Variants in SULF1 observed in about 807,000 individuals in gnomAD.
SULF1 encodes the protein sulfatase 1.
Under a neutral mutation model 110.5 loss-of-function variants are expected in SULF1, and 46 were observed. The ratio of observed to expected loss-of-function variants is 0.42; its 90% CI spans 0.33 to 0.53. The LOEUF is 0.53. Ranked by LOEUF, SULF1 falls within the 20% of genes least tolerant of loss-of-function variation. The pLI, the probability that SULF1 is intolerant of heterozygous loss-of-function variation, is 0.12. For synonymous variants in SULF1, 371 were observed against 387.1 expected (o/e 0.96, Z 0.49); for missense variants, 941 against 1,094.2 (o/e 0.86, Z 1.98).
upstream of SULF1, among the ~76,000 whole-genome samples, chr8:69,488,441 A>C (rs1809788001): frequency 6.6e-6 from 1 of 152,246 alleles, no homozygotes; most frequent in Non-Finnish European, 1.5e-5. Context: ...GAATGATAAA[A>C]ATTAAAAACA....
intron 14 of SULF1, among the ~76,000 whole-genome samples, chr8:69,621,862 C>CG (rs1287788900): frequency 6.6e-6 from 1 of 152,156 alleles, no homozygotes; most frequent in Non-Finnish European, 1.5e-5. Flanking sequence ...TGAAAATCCA[C>CG]GGGCTGACAC....
chr8:69,625,462 C>G (rs969663748), intron 15 of SULF1, among the ~76,000 whole-genome samples: 1 of 152,228 alleles, frequency 6.6e-6, no homozygotes, highest in Non-Finnish European at 1.5e-5. Flanking sequence ...GTGAGTGTTA[C>G]AGCTCTTAAG....
chr8:69,521,722 T>A (rs568297285), intron 3 of SULF1, among the ~76,000 whole-genome samples: 1 of 151,656 alleles, frequency 6.6e-6, no homozygotes, highest in Admixed American at 6.6e-5. Context: ...TTTCTCCAGA[T>A]GAAAAGGAAG....
intron 3 of SULF1, among the ~76,000 whole-genome samples, chr8:69,512,104 A>G (rs1178404302): frequency 6.6e-6 from 1 of 152,178 alleles, no homozygotes; most frequent in Admixed American, 6.5e-5. Context: ...ATTTTTGAAA[A>G]CAACACTTTA....
intron 3 of SULF1, among the ~76,000 whole-genome samples, chr8:69,542,140 T>A (rs906689255): frequency 1.3e-5 from 2 of 152,212 alleles, no homozygotes; most frequent in Non-Finnish European, 2.9e-5. Context: ...TACAGTTATA[T>A]TCCATTCTTC....
At position 69,548,924 on chromosome 8, in the gene SULF1, A is replaced by C. The variant is rs181880860; in HGVS notation, c.-133-14615A>C. 4.3e-4 allele frequency among the ~76,000 whole-genome samples: 66 copies of C among 152,288 alleles called. 2 individuals carry two copies. Among genetic ancestry groups the C allele is most frequent in the Admixed American group, 3.9e-3 (59 of 15,298 alleles). The stretch of plus-strand genomic sequence containing the variant: ...CCCCAATGATTGTCACCACCTCCCC[A>C]CACACATACACACACACAAACCAGA... On this transcript the variant is annotated intron_variant, in intron 3 of 22. Coordinates refer to ENST00000402687, the MANE Select transcript of SULF1 (RefSeq NM_001128205.2).
intron 12 of SULF1, 103 bp downstream of exon 12, chr8:69,603,759 A>G: frequency 2.5e-6 from 2 of 812,392 alleles, no homozygotes; most frequent in Non-Finnish European, 2.1e-6. Flanking sequence ...AAGCATGCAG[A>G]TTTCGTAAAC....
intron 3 of SULF1, among the ~76,000 whole-genome samples, chr8:69,518,220 T>C (rs1387962500): frequency 3.9e-5 from 6 of 152,236 alleles, no homozygotes; most frequent in Non-Finnish European, 7.3e-5. Context: ...ATTTCCAATA[T>C]TGTACTTTTC....
At position 69,582,749 on chromosome 8, in the gene SULF1, A is replaced by G. The variant is rs376891259; in HGVS notation, c.413-3608A>G. ...AACCCGTAGGGATGAGGAGGAGGCC[A>G]AGGAAAGCACGGGGCTTGAGGCTGT... is the stretch of plus-strand genomic sequence containing the variant. On this transcript the variant is annotated intron_variant, in intron 6 of 22. Coordinates refer to ENST00000402687, the MANE Select transcript of SULF1 (RefSeq NM_001128205.2). 7.9e-5 allele frequency among the ~76,000 whole-genome samples: 12 copies of G among 151,848 alleles called. No individual in the cohort carries two copies. The East Asian group carries it at 1.7e-3, about 22-fold the overall frequency.
chr8:69,586,244 CT>C (rs1806452237), intron 6 of SULF1, 112 bp from the exon 7 acceptor site: 1 of 1,130,126 alleles, frequency 8.8e-7, no homozygotes, highest in Non-Finnish European at 1.2e-6. Flanking sequence ...TCACTATTAC[CT>C]AGGGCAACTT....
Position 69,573,706 on chromosome 8 carries a change from C to T in SULF1, c.173-2264C>T, listed in dbSNP as rs374037167. Reference sequence around the variant, plus strand: ...AGTGTCACCTTTCACCCTCTTTCCACTTCTACATCTCCGTTCATCCACTTA... The same window carrying T: ...AGTGTCACCTTTCACCCTCTTTCCATTTCTACATCTCCGTTCATCCACTTA... On this transcript the variant is annotated intron_variant, in intron 5 of 22. Coordinates refer to ENST00000402687, the MANE Select transcript of SULF1 (RefSeq NM_001128205.2). Among the ~76,000 whole-genome samples, 9 of 152,358 alleles carry T rather than the reference C, an allele frequency of 5.9e-5. No homozygotes were observed. In the East Asian group the frequency reaches 1.7e-3, roughly 29 times the overall value.
intron 1 of SULF1, among the ~76,000 whole-genome samples, chr8:69,467,888 G>A (rs1340912525): frequency 6.6e-6 from 1 of 152,040 alleles, no homozygotes; most frequent in East Asian, 1.9e-4. Context: ...TCATATATGC[G>A]AGTAGCCGTA....
intron 3 of SULF1, among the ~76,000 whole-genome samples, chr8:69,525,154 A>G (rs1812571730): frequency 6.6e-6 from 1 of 151,968 alleles, no homozygotes; most frequent in Non-Finnish European, 1.5e-5. Context: ...AAATTTTTTT[A>G]TTTTCCCTAG....
At chr8:69,562,910 T>A (rs1815604875) in intron 3 of SULF1, 1 of 152,618 alleles carries the variant, frequency 6.6e-6, no homozygotes, top group African/African-American at 2.4e-5. Flanking sequence ...GCTGAGGACA[T>A]GAGTGGGACA....
At chr8:69,633,218 C>G (rs1810719498) in intron 19 of SULF1, among the ~76,000 whole-genome samples, 1 of 151,986 alleles carries the variant, frequency 6.6e-6, no homozygotes, top group Non-Finnish European at 1.5e-5. Flanking sequence ...GTGAGACATT[C>G]AGTTTATGTT....
At chr8:69,623,437 G>A (rs534334885) in intron 14 of SULF1, among the ~76,000 whole-genome samples, 3 of 152,284 alleles carry the variant, frequency 2.0e-5, no homozygotes, top group East Asian at 3.9e-4. Context: ...GTTTTTGTAT[G>A]TAAGGGTTTT....
Position 69,640,835 on chromosome 8 carries a change from T to C in SULF1, c.2579T>C (p.Leu860Pro). 3 of 1,610,656 alleles carry C rather than the reference T, an allele frequency of 1.9e-6. No homozygotes were observed. Among genetic ancestry groups the C allele is most frequent in the Non-Finnish European group, 2.5e-6 (3 of 1,178,670 alleles). Residue 860 changes from leucine (L) to proline (P), a missense_variant, in exon 22 of 23, where the codon CTA (leucine) becomes CCA (proline). Physicochemically the swap from Leu to Pro is moderately conservative, Grantham distance 98. Coordinates refer to ENST00000402687, the MANE Select transcript of SULF1 (RefSeq NM_001128205.2). Reference protein sequence around the residue: ...VGNKDGGSYDLHRGQLWDGWE... With the variant: ...VGNKDGGSYDPHRGQLWDGWE... ...AATAAAGATGGAGGAAGCTATGACC[T>C]ACACAGGTATTCACACTTTTTTATT...
At chr8:69,489,840 G>A (rs988659704), upstream of SULF1, among the ~76,000 whole-genome samples, 5 of 151,854 alleles carry the variant, frequency 3.3e-5, no homozygotes, top group African/African-American at 9.7e-5. Flanking sequence ...CACTGCGCCC[G>A]GCCCCCGCCT....
intron 13 of SULF1, among the ~76,000 whole-genome samples, chr8:69,619,857 G>A (rs1386180503): frequency 2.0e-5 from 3 of 152,172 alleles, no homozygotes; most frequent in Non-Finnish European, 2.9e-5. Context: ...ATCTAGGGGC[G>A]GGTGCCGACG....
Sources: allele counts gnomAD v4.1 joint callset (sites outside exome capture counted in the v4.1 genomes callset), GRCh38; gene constraint gnomAD v4.1.1; transcripts MANE v1.5; gene names NCBI Gene and HGNC (gene_info 2026-07-23, HGNC 2026-07-21).